The following PRKCE variants were observed in gnomAD, a reference collection of about 807,000 sequenced individuals.
PRKCE encodes the protein protein kinase C epsilon, also known as protein kinase C epsilon type.
PRKCE carries 16 observed loss-of-function variants against 85.4 expected under a neutral mutation model. That is an observed-to-expected ratio of 0.19 (90% CI 0.13 to 0.28). PRKCE has a LOEUF of 0.28. Among genes scored for constraint, PRKCE ranks in the 10% least tolerant of loss-of-function variants. PRKCE has a pLI of 1.00. For missense variants in PRKCE, 573 were observed against 975.2 expected, an observed-to-expected ratio of 0.59 and a Z score of 5.49; for synonymous variants, 388 against 371.5, an observed-to-expected ratio of 1.04 and a Z score of -0.51.
At chr2:45,799,753 A>T (rs980371389) in intron 1 of PRKCE, among the ~76,000 whole-genome samples, 1 of 152,198 alleles carries the variant, frequency 6.6e-6, no homozygotes, top group Non-Finnish European at 1.5e-5. Flanking sequence ...GGCACTGCTC[A>T]CACATTTAAT....
intron 10 of PRKCE, among the ~76,000 whole-genome samples, chr2:46,065,821 G>C (rs1353999377): frequency 6.7e-6 from 1 of 149,068 alleles, no homozygotes; most frequent in Non-Finnish European, 1.5e-5. Context: ...CCAGGAAAGT[G>C]TTTGCAAACG....
At chr2:45,798,930 G>C (rs763737995) in intron 1 of PRKCE, among the ~76,000 whole-genome samples, 10 of 152,032 alleles carry the variant, frequency 6.6e-5, no homozygotes, top group Non-Finnish European at 1.0e-4. Context: ...CACTTTGGGA[G>C]GCTGAGGTGG....
intron 2 of PRKCE, among the ~76,000 whole-genome samples, chr2:45,968,081 C>G (rs1701851048): frequency 6.6e-6 from 1 of 152,126 alleles, no homozygotes; most frequent in Non-Finnish European, 1.5e-5. Context: ...CAAGTCTGGC[C>G]CAGGCAAGGT....
chr2:46,061,345 G>T (rs6727437), intron 10 of PRKCE, among the ~76,000 whole-genome samples: 1 of 151,676 alleles, frequency 6.6e-6, no homozygotes, highest in African/African-American at 2.4e-5. Context: ...TCCTGGGCTC[G>T]AGCAATCTGC....
In PRKCE at chr2:46,004,212, C is replaced by A. The variant is rs114454927; in HGVS notation, c.967-330C>A. ...ACCTTTATGGTGTCCTCGCACAACC[C>A]GAACTACTTCATCCTTTTGGATGGG... is the stretch of plus-strand genomic sequence containing the variant. On this transcript the variant is annotated intron_variant, in intron 7 of 14. Coordinates refer to ENST00000306156, the MANE Select transcript of PRKCE (RefSeq NM_005400.3). The surrounding 1 kb of genome is among the most constrained non-coding windows in gnomAD (Gnocchi z 4.1). 2 of 337,960 alleles carry A rather than the reference C, an allele frequency of 5.9e-6. No individual in the cohort carries two copies. Among genetic ancestry groups the A allele is most frequent in the Non-Finnish European group, 1.2e-5 (2 of 172,804 alleles). The allele number at this position is 337,960 out of a possible 1,614,324, so 20.9% of individuals were successfully genotyped here.
intron 11 of PRKCE, among the ~76,000 whole-genome samples, chr2:46,143,129 G>A (rs1675723914): frequency 6.6e-6 from 1 of 152,162 alleles, no homozygotes; most frequent in South Asian, 2.1e-4. Context: ...ATTTCTGTAA[G>A]GGTAGTTGCC....
At chr2:45,791,768 A>G (rs1474318477) in intron 1 of PRKCE, among the ~76,000 whole-genome samples, 1 of 152,198 alleles carries the variant, frequency 6.6e-6, no homozygotes, top group African/African-American at 2.4e-5. Flanking sequence ...AGGGTCACTG[A>G]GGCTCAGATG....
At chr2:46,011,663 G>A (rs932465754) in intron 10 of PRKCE, among the ~76,000 whole-genome samples, 1 of 152,120 alleles carries the variant, frequency 6.6e-6, no homozygotes, top group Non-Finnish European at 1.5e-5. Flanking sequence ...CTCAACACAC[G>A]TATGTTTATT....
At position 46,004,607 on chromosome 2, in the gene PRKCE, C is replaced by T. The variant is rs1306112304; in HGVS notation, c.1032C>T (p.Ser344=). ...GCTCACCATCTGAGGAAGATCGATC[C>T]AAGTCAGCACCCACCTCCCCTTGTG... The part of the protein sequence containing the change: ...SGSSPSEEDR[S]KSAPTSPCDQ... Residue 344 remains serine (S), a synonymous_variant, in exon 8 of 15, where the codon TCC becomes TCT. Coordinates refer to ENST00000306156, the MANE Select transcript of PRKCE (RefSeq NM_005400.3). The surrounding 1 kb of genome is among the most constrained non-coding windows in gnomAD (Gnocchi z 4.1). 2 of 1,590,574 alleles carry T rather than the reference C, an allele frequency of 1.3e-6. No homozygotes were observed. Among genetic ancestry groups the T allele is most frequent in the Non-Finnish European group, 1.7e-6 (2 of 1,175,712 alleles).
chr2:45,737,214 A>G (rs1682145034), intron 1 of PRKCE, among the ~76,000 whole-genome samples: 1 of 152,196 alleles, frequency 6.6e-6, no homozygotes, highest in South Asian at 2.1e-4. Flanking sequence ...AATCCTGAGA[A>G]GGAGGTGGGT....
intron 2 of PRKCE, among the ~76,000 whole-genome samples, chr2:45,947,963 G>A (rs1385937210): frequency 6.6e-6 from 1 of 152,216 alleles, no homozygotes; most frequent in Admixed American, 6.5e-5. Context: ...GAAGTCCGCA[G>A]TGTTGTTTTT....
chr2:46,159,543 C>G lies in PRKCE; in HGVS notation c.1921-63C>G, dbSNP rs755015689. The stretch of plus-strand genomic sequence containing the variant: ...GCTGCTTTGGCTGACCTCCATCTGT[C>G]CCTTATAGCCTGTGCTGGCCAGGCC... On this transcript the variant is annotated intron_variant, in intron 13 of 14. Coordinates refer to ENST00000306156, the MANE Select transcript of PRKCE (RefSeq NM_005400.3). This position sits in a 1 kb window ranked among gnomAD's most constrained non-coding sequence, Gnocchi z 4.1. 1 of 1,490,378 alleles carries G rather than the reference C, an allele frequency of 6.7e-7. No homozygotes were observed. 92.3% of individuals were successfully genotyped at this position (1,490,378 alleles called of 1,614,324 possible).
intron 1 of PRKCE, among the ~76,000 whole-genome samples, chr2:45,803,444 A>T (rs1688020874): frequency 1.3e-5 from 2 of 152,026 alleles, no homozygotes; most frequent in African/African-American, 4.8e-5. Context: ...GACAGTTTCC[A>T]CTCTCTTTAG....
chr2:46,099,326 T>C (rs1670992443), intron 11 of PRKCE, among the ~76,000 whole-genome samples: 1 of 152,092 alleles, frequency 6.6e-6, no homozygotes, highest in Non-Finnish European at 1.5e-5. Context: ...AACTCCTCTT[T>C]GAGTCACTAC....
At chr2:45,851,446 T>G (rs1315219007) in intron 2 of PRKCE, among the ~76,000 whole-genome samples, 1 of 152,088 alleles carries the variant, frequency 6.6e-6, no homozygotes, top group East Asian at 1.9e-4. Flanking sequence ...CTTGTGTGTG[T>G]TTGGGAGGGG....
intron 1 of PRKCE, among the ~76,000 whole-genome samples, chr2:45,704,638 G>A (rs576186610): frequency 1.0e-3 from 155 of 152,064 alleles, no homozygotes; most frequent in Non-Finnish European, 2.0e-3. Flanking sequence ...AGTGAGCATC[G>A]CCACGCCAGT....
intron 1 of PRKCE, among the ~76,000 whole-genome samples, chr2:45,715,377 T>C (rs1404538414): frequency 6.6e-6 from 1 of 152,248 alleles, no homozygotes; most frequent in African/African-American, 2.4e-5. Context: ...TAGGTGCTAG[T>C]GAATCTTGAA....
chr2:46,063,277 A>C (rs921183), intron 10 of PRKCE, among the ~76,000 whole-genome samples: 34,523 of 151,526 alleles, frequency 0.23, 4,875 homozygotes, highest in African/African-American at 0.41. Flanking sequence ...TTCTAGGAGG[A>C]GAAAATTTGG....
At chr2:45,811,972 GC>G (rs1688683252) in intron 1 of PRKCE, among the ~76,000 whole-genome samples, 1 of 152,088 alleles carries the variant, frequency 6.6e-6, no homozygotes, top group Non-Finnish European at 1.5e-5. Context: ...ATTCATTCTT[GC>G]TAGGGGATTC....
Sources: gnomAD v4.1 joint callset for allele counts (sites outside exome capture counted in the v4.1 genomes callset) on GRCh38, gnomAD v4.1.1 for gene constraint, Gnocchi (gnomAD v3.1) non-coding constraint, MANE v1.5 for transcripts, NCBI Gene and HGNC (gene_info 2026-07-23, HGNC 2026-07-21) for gene names.